ST6GALNAC1: variants seen among roughly 807,000 people sequenced by gnomAD.
ST6GALNAC1 encodes alpha-N-acetylgalactosaminide alpha-2,6-sialyltransferase 1.
Under a neutral mutation model 56.8 loss-of-function variants are expected in ST6GALNAC1, and 45 were observed. The ratio of observed to expected loss-of-function variants is 0.79; its 90% CI spans 0.62 to 1.02. ST6GALNAC1 has a LOEUF of 1.02. ST6GALNAC1 is among the 50% of genes least tolerant of loss of function. The pLI is 0.00. For missense variants in ST6GALNAC1, 743 were observed against 754.8 expected (o/e 0.98, Z 0.18); for synonymous variants, 295 against 297.8 (o/e 0.99, Z 0.10).
intron 1 of ST6GALNAC1, among the ~76,000 whole-genome samples, chr17:76,632,100 G>C (rs567219366): frequency 1.3e-5 from 2 of 151,912 alleles, no homozygotes; most frequent in South Asian, 4.2e-4. Context: ...CTGTTCACCC[G>C]GTTTAACAAA....
Position 76,627,921 on chromosome 17 carries a change from C to T in ST6GALNAC1, c.832-338G>A, listed in dbSNP as rs951543382. Among the ~76,000 whole-genome samples the T allele has an allele frequency of 3.3e-5, 5 of 151,944 alleles. No individual in the cohort carries two copies. The highest frequency in any genetic ancestry group is 2.6e-4 in the Admixed American group (4 of 15,254). The stretch of plus-strand genomic sequence containing the variant: ...GACCATCCTGGCTAACACGGTGAAA[C>T]CCCGTCTCTACTAAAAATACAAAAA... On this transcript the variant is annotated intron_variant, in intron 2 of 8. Coordinates refer to ENST00000156626, the MANE Select transcript of ST6GALNAC1 (RefSeq NM_018414.5). This position sits in a 1 kb window ranked among gnomAD's most constrained non-coding sequence, Gnocchi z 4.4.
In ST6GALNAC1 at chr17:76,629,613, G is replaced by A; in HGVS notation, c.230C>T (p.Ala77Val). 1 of 1,613,674 alleles carries A rather than the reference G, an allele frequency of 6.2e-7. No individual in the cohort carries two copies. Residue 77 changes from alanine (A) to valine (V), a missense_variant, in exon 2 of 9, where the codon GCA (alanine) becomes GTA (valine). Transcript: ENST00000156626. ...GGCATTGTTCTCTGGCACTGGCTCTGCATAGATGGTTGTCCTCCTTGCCCT... is the reference window on the plus strand; with the variant it reads ...GGCATTGTTCTCTGGCACTGGCTCTACATAGATGGTTGTCCTCCTTGCCCT... ...PTRARRTTIY[A>V]EPVPENNALN...
At chr17:76,643,401 A>G in intron 1 of ST6GALNAC1, 107 bp downstream of exon 1, 3 of 1,229,356 alleles carry the variant, frequency 2.4e-6, no homozygotes, top group South Asian at 1.4e-5. Flanking sequence ...TGACACTCCC[A>G]TGTGGACACA....
the ST6GALNAC1 span, among the ~76,000 whole-genome samples, chr17:76,618,930 T>G: frequency 1.3e-5 from 2 of 152,092 alleles, no homozygotes; most frequent in Non-Finnish European, 2.9e-5. Flanking sequence ...GATGACAGAG[T>G]GAGACCCTGC....
chr17:76,634,484 G>A (rs1237747802), intron 1 of ST6GALNAC1, among the ~76,000 whole-genome samples: 2 of 152,116 alleles, frequency 1.3e-5, no homozygotes, highest in Admixed American at 1.3e-4. Flanking sequence ...TGGTGTCCAC[G>A]AGGGCTATTC....
chr17:76,627,401 G>T lies in ST6GALNAC1; in HGVS notation c.1000+14C>A. ...TACTGCGCACCCACACCTTCCCCTG[G>T]GTTAAGGACTCACAGGAGTAGTTGA... On this transcript the variant is annotated intron_variant, in intron 3 of 8. Transcript: ENST00000156626. This position sits in a 1 kb window ranked among gnomAD's most constrained non-coding sequence, Gnocchi z 4.4. 1 of 1,613,898 alleles carries T rather than the reference G, an allele frequency of 6.2e-7. No individual in the cohort carries two copies. Among genetic ancestry groups the T allele is most frequent in the Non-Finnish European group, 8.5e-7 (1 of 1,179,930 alleles).
downstream of ST6GALNAC1, among the ~76,000 whole-genome samples, chr17:76,621,094 G>A (rs1283559553): frequency 6.6e-6 from 1 of 151,890 alleles, no homozygotes; most frequent in Non-Finnish European, 1.5e-5. Context: ...GTCACAGACT[G>A]TAAACTGTTC....
At chr17:76,636,794 G>C (rs2075980577) in intron 1 of ST6GALNAC1, among the ~76,000 whole-genome samples, 1 of 152,184 alleles carries the variant, frequency 6.6e-6, no homozygotes, top group African/African-American at 2.4e-5. Context: ...TTGAGAACGG[G>C]CCATGATGAC....
intron 1 of ST6GALNAC1, among the ~76,000 whole-genome samples, chr17:76,635,198 G>C (rs989313287): frequency 6.6e-6 from 1 of 152,102 alleles, no homozygotes. Context: ...TCTGGGACTC[G>C]AGAGAAAACA....
At position 76,643,600 on chromosome 17, in the gene ST6GALNAC1, T is replaced by C. The variant is rs745763758; in HGVS notation, c.39A>G (p.Gln13=). The change falls in exon 1 of 9, where the codon CAA becomes CAG. Residue 13 remains glutamine, a synonymous_variant. Transcript: ENST00000156626. ...SCLWRCRHLS[Q]GVQWSLLLAV... is the part of the protein sequence containing the mutation. Reference sequence around the variant, plus strand: ...CCAGAAGCAAGGACCACTGGACGCCTTGGCTCAGGTGCCTGCATCTCCACA... The same window carrying C: ...CCAGAAGCAAGGACCACTGGACGCCCTGGCTCAGGTGCCTGCATCTCCACA... 5.6e-6 allele frequency: 9 copies of C among 1,613,990 alleles called. No individual in the cohort carries two copies. The highest frequency in any genetic ancestry group is 1.3e-5 in the African/African-American group (1 of 74,928).
chr17:76,621,469 C>T (rs899261200), downstream of ST6GALNAC1, among the ~76,000 whole-genome samples: 2 of 151,000 alleles, frequency 1.3e-5, no homozygotes, highest in Non-Finnish European at 2.9e-5. Context: ...GCATAAGCCA[C>T]CGCACCCGGG....
At chr17:76,631,911 A>T (rs1443256630) in intron 1 of ST6GALNAC1, among the ~76,000 whole-genome samples, 1 of 152,108 alleles carries the variant, frequency 6.6e-6, no homozygotes, top group African/African-American at 2.4e-5. Flanking sequence ...AAAGAATGCC[A>T]CTCAACACAG....
chr17:76,626,710 G>A lies in ST6GALNAC1; in HGVS notation c.1252C>T (p.Leu418=). 2 of 1,614,250 alleles carry A rather than the reference G, an allele frequency of 1.2e-6. No individual in the cohort carries two copies. Among genetic ancestry groups the A allele is most frequent in the South Asian group, 1.1e-5 (1 of 91,090 alleles). Residue 418 remains leucine (L), a synonymous_variant, in exon 5 of 9, where the codon CTG becomes TTG. Transcript: ENST00000156626. Reference sequence around the variant, plus strand: ...CCCAATATAAGGAGTGACTGGGTCAGGGAGAAGGCGGTAAAGCCGTAGAAG... The same window carrying A: ...CCCAATATAAGGAGTGACTGGGTCAAGGAGAAGGCGGTAAAGCCGTAGAAG... ...TSFYGFTAFS[L]TQSLLILGNR... is the part of the protein sequence containing the mutation.
chr17:76,620,627 A>G (rs1002144256), downstream of ST6GALNAC1, among the ~76,000 whole-genome samples: 2 of 151,100 alleles, frequency 1.3e-5, no homozygotes, highest in Admixed American at 1.3e-4. Flanking sequence ...CCAGGCTGAA[A>G]TGCAGTGGCA....
the ST6GALNAC1 span, among the ~76,000 whole-genome samples, chr17:76,619,740 G>GTT: frequency 0.061 from 6,165 of 101,374 alleles, 479 homozygotes; most frequent in East Asian, 0.29. Context: ...AATAATGTTA[G>GTT]TTTTTTTTTT....
At chr17:76,628,985 A>G in intron 2 of ST6GALNAC1, 27 bp downstream of exon 2, 1 of 1,517,188 alleles carries the variant, frequency 6.6e-7, no homozygotes, top group Non-Finnish European at 8.8e-7. Context: ...TGGGAGCCAG[A>G]GGGAAGGCGT....
intron 1 of ST6GALNAC1, 39 bp downstream of exon 1, chr17:76,643,465 CAAAT>C: frequency 2.5e-6 from 4 of 1,606,320 alleles, no homozygotes; most frequent in Non-Finnish European, 3.4e-6. Context: ...TCTGTTTCCT[CAAAT>C]GAATGAAATA....
Position 76,626,684 on chromosome 17 carries a change from GC to G in ST6GALNAC1, c.1277del (p.Gly426AlafsTer34), listed in dbSNP as rs1567952341. On this transcript the variant is annotated frameshift_variant, in exon 5 of 9. Transcript: ENST00000156626. LOFTEE classifies it high-confidence loss of function. ...GAGGCACGTTCTTGAAACCCCGATT[GC>G]CCAATATAAGGAGTGACTGGGTCAG... ...FSLTQSLLIL[G>X]NRGFKNVPLG... is the part of the protein sequence containing the mutation. The G allele has an allele frequency of 6.2e-7, 1 of 1,614,172 alleles. No homozygotes were observed. The highest frequency in any genetic ancestry group is 1.1e-5 in the South Asian group (1 of 91,076).
the ST6GALNAC1 span, among the ~76,000 whole-genome samples, chr17:76,619,299 A>G: frequency 6.6e-6 from 1 of 152,210 alleles, no homozygotes; most frequent in African/African-American, 2.4e-5. Context: ...ACTCACTGTT[A>G]GCGGAGTTTC....
Sources: gnomAD v4.1 joint callset for allele counts (sites outside exome capture counted in the v4.1 genomes callset) on GRCh38, gnomAD v4.1.1 for gene constraint, Gnocchi (gnomAD v3.1) non-coding constraint, MANE v1.5 for transcripts, NCBI Gene and HGNC (gene_info 2026-07-23, HGNC 2026-07-21) for gene names.